TRPM3: variants seen among roughly 807,000 people sequenced by gnomAD.
TRPM3 encodes long transient receptor potential channel 3.
Under a neutral mutation model 181.2 loss-of-function variants are expected in TRPM3, and 77 were observed. The observed-to-expected ratio is 0.42, with a 90% CI of 0.35 to 0.51. The LOEUF (loss-of-function observed/expected upper bound fraction) is 0.51. Ranked by LOEUF, TRPM3 falls within the 20% of genes least tolerant of loss-of-function variation. The pLI is 0.01. For missense variants in TRPM3, 1,759 were observed against 2,196.7 expected, an observed-to-expected ratio of 0.80 and a Z score of 3.98; for synonymous variants, 745 against 796.4, an observed-to-expected ratio of 0.94 and a Z score of 1.09.
intron 8 of TRPM3, among the ~76,000 whole-genome samples, chr9:70,759,972 T>A (rs1198148892): frequency 6.6e-6 from 1 of 152,142 alleles, no homozygotes; most frequent in Non-Finnish European, 1.5e-5. Context: ...AGTATAATTT[T>A]AAAAAATAAT....
At chr9:71,008,143 T>C (rs1361207081) in intron 1 of TRPM3, among the ~76,000 whole-genome samples, 1 of 151,992 alleles carries the variant, frequency 6.6e-6, no homozygotes. Flanking sequence ...TGAAGAGCTA[T>C]ACACCAATAA....
At chr9:71,281,877 C>CTGGTCAGTAGAG (rs557510083) in intron 1 of TRPM3, among the ~76,000 whole-genome samples, 87 of 152,080 alleles carry the variant, frequency 5.7e-4, no homozygotes, top group Non-Finnish European at 1.0e-3. Flanking sequence ...GCCTGACCAA[C>CTGGTCAGTAGAG]ATGGAGAAAC....
intron 1 of TRPM3, among the ~76,000 whole-genome samples, chr9:71,329,035 G>A (rs1000994185): frequency 1.3e-5 from 2 of 152,138 alleles, no homozygotes; most frequent in Non-Finnish European, 2.9e-5. Context: ...CCTGAGCCTC[G>A]GTTTCCTTTT....
rs141117958 is a variant in TRPM3 at position 71,332,557 on chromosome 9, T to C, written c.183+114096A>G. The stretch of plus-strand genomic sequence containing the variant: ...CATAAGAATGCAGTAGATTCTACTC[T>C]GATGAACCAAAAAAAAACAAAAATG... On this transcript the variant is annotated intron_variant, in intron 1 of 24. Coordinates refer to the TRPM3 transcript ENST00000357533. 3.1e-3 allele frequency among the ~76,000 whole-genome samples: 458 copies of C among 149,940 alleles called. 22 individuals are homozygous for C. In the South Asian group the frequency reaches 0.074, roughly 24 times the overall value.
At chr9:71,438,180 T>C (rs1304713990) in intron 1 of TRPM3, among the ~76,000 whole-genome samples, 1 of 152,056 alleles carries the variant, frequency 6.6e-6, no homozygotes, top group Non-Finnish European at 1.5e-5. Context: ...TGACAAATAA[T>C]TGTTGAGAGG....
At chr9:71,163,690 G>A (rs137937492) in intron 1 of TRPM3, among the ~76,000 whole-genome samples, 1 of 152,186 alleles carries the variant, frequency 6.6e-6, no homozygotes, top group African/African-American at 2.4e-5. Flanking sequence ...GCACATCTAA[G>A]ATATAAAGTA....
chr9:71,304,624 A>G (rs2087092239), intron 1 of TRPM3, among the ~76,000 whole-genome samples: 1 of 152,226 alleles, frequency 6.6e-6, no homozygotes. Flanking sequence ...TGCATCATAG[A>G]CATGCCACAT....
intron 1 of TRPM3, among the ~76,000 whole-genome samples, chr9:70,969,471 A>C (rs2097217167): frequency 6.6e-6 from 1 of 151,880 alleles, no homozygotes; most frequent in African/African-American, 2.4e-5. Context: ...TAAAATATGA[A>C]TGTTGTTAAA....
At chr9:70,924,290 C>A (rs960833026) in intron 1 of TRPM3, among the ~76,000 whole-genome samples, 1 of 152,058 alleles carries the variant, frequency 6.6e-6, no homozygotes, top group Non-Finnish European at 1.5e-5. Context: ...TCTTTCCTCC[C>A]AAAATTATAG....
chr9:70,553,951 C>T (rs995806842), intron 22 of TRPM3, among the ~76,000 whole-genome samples: 12 of 151,948 alleles, frequency 7.9e-5, no homozygotes, highest in Non-Finnish European at 1.3e-4. Flanking sequence ...GGTGATCGGC[C>T]GTGATCATGG....
intron 1 of TRPM3, among the ~76,000 whole-genome samples, chr9:71,138,504 A>C (rs7046666): frequency 0.61 from 92,062 of 152,020 alleles, 28,375 homozygotes; most frequent in African/African-American, 0.73. Flanking sequence ...ATGAGTTTCT[A>C]ATAGGAAATC....
intron 1 of TRPM3, among the ~76,000 whole-genome samples, chr9:71,279,849 A>C (rs1170596171): frequency 2.0e-5 from 3 of 152,124 alleles, no homozygotes; most frequent in Non-Finnish European, 4.4e-5. Flanking sequence ...AGGCCGAGGC[A>C]GGCGGATCAC....
At chr9:70,591,932 C>T (rs961294068) in intron 21 of TRPM3, among the ~76,000 whole-genome samples, 5 of 152,150 alleles carry the variant, frequency 3.3e-5, no homozygotes, top group African/African-American at 4.8e-5. Flanking sequence ...ACCCTAATGA[C>T]TCAGACCTGT....
intron 1 of TRPM3, among the ~76,000 whole-genome samples, chr9:71,139,261 C>T (rs984937510): frequency 2.6e-5 from 4 of 152,136 alleles, no homozygotes; most frequent in Admixed American, 6.5e-5. Flanking sequence ...GTACACACAG[C>T]AATGGCCGTA....
chr9:70,814,669 T>C (rs1025592553), intron 6 of TRPM3, among the ~76,000 whole-genome samples: 3 of 152,134 alleles, frequency 2.0e-5, no homozygotes, highest in African/African-American at 7.2e-5. Flanking sequence ...CCTGACTCTT[T>C]CCTTTTGTTT....
At chr9:71,135,774 T>A (rs966992464) in intron 1 of TRPM3, among the ~76,000 whole-genome samples, 16 of 152,162 alleles carry the variant, frequency 1.1e-4, no homozygotes, top group Non-Finnish European at 1.6e-4. Flanking sequence ...CATATGCTTA[T>A]CTTCAGGCAA....
At chr9:70,645,095 G>A (rs2058634900) in intron 9 of TRPM3, among the ~76,000 whole-genome samples, 1 of 152,152 alleles carries the variant, frequency 6.6e-6, no homozygotes, top group African/African-American at 2.4e-5. Flanking sequence ...CTTGCTCCTG[G>A]ATAGGAAGAA....
At chr9:70,991,884 T>G (rs1370871600) in intron 1 of TRPM3, among the ~76,000 whole-genome samples, 3 of 152,156 alleles carry the variant, frequency 2.0e-5, no homozygotes, top group Admixed American at 1.3e-4. Flanking sequence ...CATCTCAGCT[T>G]TCTTGTGTTC....
At chr9:70,682,693 T>G (rs10780957) in intron 8 of TRPM3, among the ~76,000 whole-genome samples, 99,130 of 151,954 alleles carry the variant, frequency 0.65, 32,653 homozygotes, top group African/African-American at 0.74. Context: ...GAAAGAAAAA[T>G]TTCCAAACAA....
Sources: allele counts gnomAD v4.1 joint callset (sites outside exome capture counted in the v4.1 genomes callset), GRCh38; gene constraint gnomAD v4.1.1; transcripts MANE v1.5; gene names NCBI Gene and HGNC (gene_info 2026-07-23, HGNC 2026-07-21).